Variants in CLDN11 observed in about 807,000 individuals in gnomAD.
CLDN11 encodes the protein claudin 11.
In CLDN11, 1 loss-of-function variant was observed where a neutral mutation model predicts 18.0. That is an observed-to-expected ratio of 0.06 (90% confidence interval 0.02 to 0.26). The LOEUF (loss-of-function observed/expected upper bound fraction) is 0.26, where lower values mean the gene tolerates loss of function less well. Ranked by LOEUF, CLDN11 falls within the 10% of genes least tolerant of loss-of-function variation. CLDN11 has a pLI of 1.00. For synonymous variants in CLDN11, 116 were observed against 121.5 expected (o/e 0.96, Z 0.30); for missense variants, 172 against 276.6 (o/e 0.62, Z 2.68).
At chr3:170,432,388 G>C (rs1739021275) in intron 2 of CLDN11, 136 bp from the exon 3 acceptor site, 21 of 1,450,958 alleles carry the variant, frequency 1.4e-5, no homozygotes, top group Non-Finnish European at 1.9e-5. Context: ...CAGTGTTGAG[G>C]GAGCAGAACT....
At chr3:170,428,953 C>A (rs570877361) in intron 2 of CLDN11, among the ~76,000 whole-genome samples, 1 of 152,144 alleles carries the variant, frequency 6.6e-6, no homozygotes, top group Non-Finnish European at 1.5e-5. Context: ...ATTCCAAACT[C>A]ATCTTTTTGG....
At chr3:170,426,454 C>G (rs2003845363) in intron 2 of CLDN11, among the ~76,000 whole-genome samples, 1 of 152,178 alleles carries the variant, frequency 6.6e-6, no homozygotes, top group Non-Finnish European at 1.5e-5. Context: ...CCTGCCAAGG[C>G]AGGAGGTGCC....
intron 2 of CLDN11, among the ~76,000 whole-genome samples, chr3:170,426,038 C>T (rs1738844448): frequency 6.6e-6 from 1 of 152,082 alleles, no homozygotes; most frequent in East Asian, 1.9e-4. Context: ...CCAGAGAAGC[C>T]AGCGCTAGGC....
At chr3:170,427,382 G>T (rs1172756948) in intron 2 of CLDN11, among the ~76,000 whole-genome samples, 1 of 152,208 alleles carries the variant, frequency 6.6e-6, no homozygotes, top group Non-Finnish European at 1.5e-5. Context: ...AGCACTTTGG[G>T]AGGCTGAGGT....
At position 170,432,830 on chromosome 3, in the gene CLDN11, G is replaced by T. The variant is rs1351610690; in HGVS notation, c.*74G>T. 2 of 1,423,386 alleles carry T rather than the reference G, an allele frequency of 1.4e-6. No homozygotes were observed. The highest frequency in any genetic ancestry group is 3.5e-5 in the Admixed American group (2 of 57,944). 88.2% of individuals were successfully genotyped at this position (1,423,386 alleles called of 1,614,324 possible). ...GCCCTAGGTTTGCTCGTCACAGTGT[G>T]GGGAAGCCCATTCCTCTGCCAGGCT... On this transcript the variant is annotated 3_prime_UTR_variant, in exon 3 of 3. Transcript: ENST00000064724.
intron 2 of CLDN11, among the ~76,000 whole-genome samples, chr3:170,431,496 A>G (rs1463124888): frequency 1.3e-5 from 2 of 152,236 alleles, no homozygotes; most frequent in Non-Finnish European, 2.9e-5. Flanking sequence ...AAAATTAATG[A>G]AAATTCAAAA....
In CLDN11 at chr3:170,432,889, G is replaced by A; in HGVS notation, c.*133G>A. 1.2e-6 allele frequency: 1 copy of A among 808,054 alleles called. No homozygotes were observed. Among genetic ancestry groups the A allele is most frequent in the Non-Finnish European group, 2.0e-6 (1 of 505,478 alleles). 50.1% of individuals were successfully genotyped at this position (808,054 alleles called of 1,614,324 possible). On this transcript the variant is annotated 3_prime_UTR_variant, in exon 3 of 3. Coordinates refer to ENST00000064724, the MANE Select transcript of CLDN11 (RefSeq NM_005602.6). ...AAAGGTCTAGAAAAGCATCCTGTCT[G>A]GCATTTTGTAGTCTTAACTTCTCCC...
chr3:170,425,499 A>G (rs1366454313), intron 2 of CLDN11, among the ~76,000 whole-genome samples: 1 of 152,238 alleles, frequency 6.6e-6, no homozygotes, highest in Non-Finnish European at 1.5e-5. Flanking sequence ...TATTGAAGGA[A>G]AAAGCAACCG....
Position 170,419,024 on chromosome 3 carries a change from A to C in CLDN11, c.-43A>C. On this transcript the variant is annotated 5_prime_UTR_variant, in exon 1 of 3. Coordinates refer to ENST00000064724, the MANE Select transcript of CLDN11 (RefSeq NM_005602.6). This position sits in a 1 kb window ranked among gnomAD's most constrained non-coding sequence, Gnocchi z 8.6. ...GGCACTGTCCAGCCCAGGCCCAGGC[A>C]CAGCCGTGAGGGGCGAGGCACGGGG... The C allele has an allele frequency of 6.9e-7, 1 of 1,446,008 alleles. No homozygotes were observed. Among genetic ancestry groups the C allele is most frequent in the Non-Finnish European group, 9.5e-7 (1 of 1,053,790 alleles). 89.6% of individuals were successfully genotyped at this position (1,446,008 alleles called of 1,614,324 possible).
At chr3:170,422,625 G>A (rs956153347) in intron 1 of CLDN11, among the ~76,000 whole-genome samples, 18 of 152,186 alleles carry the variant, frequency 1.2e-4, no homozygotes, top group Admixed American at 1.0e-3. Flanking sequence ...GTTTCGCCCT[G>A]TTGGCCAGGC....
intron 1 of CLDN11, among the ~76,000 whole-genome samples, chr3:170,422,296 AC>A (rs1215894022): frequency 6.6e-6 from 1 of 152,108 alleles, no homozygotes; most frequent in African/African-American, 2.4e-5. Flanking sequence ...ATAACAACTA[AC>A]CTTTTTTGAG....
At chr3:170,425,575 G>C (rs916827823) in intron 2 of CLDN11, among the ~76,000 whole-genome samples, 5 of 152,188 alleles carry the variant, frequency 3.3e-5, no homozygotes, top group Non-Finnish European at 7.3e-5. Context: ...GATATAGATA[G>C]GCAGCATCAC....
chr3:170,419,251 T>A lies in CLDN11; in HGVS notation c.185T>A (p.Leu62Gln). Residue 62 changes from leucine (L) to glutamine (Q), a missense_variant, in exon 1 of 3, where the codon CTG (leucine) becomes CAG (glutamine). Coordinates refer to ENST00000064724, the MANE Select transcript of CLDN11 (RefSeq NM_005602.6). The surrounding 1 kb of genome is among the most constrained non-coding windows in gnomAD (Gnocchi z 8.6). ...LWADCVMATG[L>Q]YHCKPLVDIL... is the part of the protein sequence containing the mutation. ...GCCGACTGCGTCATGGCCACGGGGCTGTACCACTGCAAGCCCCTGGTGGAC... is the reference window on the plus strand; with the variant it reads ...GCCGACTGCGTCATGGCCACGGGGCAGTACCACTGCAAGCCCCTGGTGGAC... 1 of 1,574,824 alleles carries A rather than the reference T, an allele frequency of 6.3e-7. No homozygotes were observed. Among genetic ancestry groups the A allele is most frequent in the Non-Finnish European group, 8.6e-7 (1 of 1,160,430 alleles).
intron 1 of CLDN11, chr3:170,421,381 T>C: frequency 1.3e-6 from 1 of 776,892 alleles, no homozygotes; most frequent in Non-Finnish European, 1.6e-6. Flanking sequence ...GACGGCTGGG[T>C]CAGGGGATGG....
At chr3:170,420,121 G>A (rs1212618721) in intron 1 of CLDN11, among the ~76,000 whole-genome samples, 2 of 152,242 alleles carry the variant, frequency 1.3e-5, no homozygotes, top group Non-Finnish European at 2.9e-5. Flanking sequence ...GGAAGGGGAG[G>A]TAAAAATTGA....
At chr3:170,430,923 A>T (rs1738987489) in intron 2 of CLDN11, among the ~76,000 whole-genome samples, 1 of 152,212 alleles carries the variant, frequency 6.6e-6, no homozygotes, top group Admixed American at 6.5e-5. Context: ...TGGGCAATTC[A>T]TAGCTTTTCA....
At chr3:170,430,854 C>G (rs1056605657) in intron 2 of CLDN11, among the ~76,000 whole-genome samples, 1 of 152,110 alleles carries the variant, frequency 6.6e-6, no homozygotes, top group Non-Finnish European at 1.5e-5. Flanking sequence ...CCAATTTTAG[C>G]TTCTTAGATA....
intron 2 of CLDN11, among the ~76,000 whole-genome samples, chr3:170,429,885 A>G (rs1193267505): frequency 2.6e-5 from 4 of 152,246 alleles, no homozygotes; most frequent in African/African-American, 9.6e-5. Flanking sequence ...GTATAGTTGA[A>G]AAATATAAAA....
Position 170,419,302 on chromosome 3 carries a change from C to T in CLDN11, c.226+10C>T. The T allele has an allele frequency of 2.0e-6, 3 of 1,536,272 alleles. No individual in the cohort carries two copies. Among genetic ancestry groups the T allele is most frequent in the Non-Finnish European group, 2.6e-6 (3 of 1,133,718 alleles). On this transcript the variant is annotated intron_variant, in intron 1 of 2. Transcript: ENST00000064724. This position sits in a 1 kb window ranked among gnomAD's most constrained non-coding sequence, Gnocchi z 8.6. ...ATCCTCATCCTGCCGGGTAAGGACC[C>T]GAGCTTGGCGGCGGCTCCCAAATCC... is the stretch of plus-strand genomic sequence containing the variant.
Sources: gnomAD v4.1 joint callset for allele counts (sites outside exome capture counted in the v4.1 genomes callset) on GRCh38, gnomAD v4.1.1 for gene constraint, Gnocchi (gnomAD v3.1) non-coding constraint, MANE v1.5 for transcripts, NCBI Gene and HGNC (gene_info 2026-07-23, HGNC 2026-07-21) for gene names.